Variants in DCAF1 observed in about 807,000 individuals in gnomAD.
The protein encoded by DCAF1 is DDB1- and CUL4-associated factor 1.
In DCAF1, 15 loss-of-function variants were observed where a neutral mutation model predicts 128.0. The ratio of observed to expected loss-of-function variants is 0.12; its 90% CI spans 0.08 to 0.18. The LOEUF (loss-of-function observed/expected upper bound fraction) is 0.18, where lower values mean the gene tolerates loss of function less well. Among genes scored for constraint, DCAF1 ranks in the 10% least tolerant of loss-of-function variants. The pLI is 1.00. For missense variants in DCAF1, 988 were observed against 1,649.5 expected (o/e 0.60, Z 6.95); for synonymous variants, 610 against 603.0 (o/e 1.01, Z -0.17).
intron 24 of DCAF1, among the ~76,000 whole-genome samples, chr3:51,402,019 G>A (rs1553625094): frequency 6.6e-6 from 1 of 151,894 alleles, no homozygotes; most frequent in African/African-American, 2.4e-5. Context: ...TTCATGTACA[G>A]CTGCAGAGCT....
intron 7 of DCAF1, among the ~76,000 whole-genome samples, chr3:51,442,987 G>C (rs543121024): frequency 7.0e-4 from 106 of 152,170 alleles, no homozygotes; most frequent in African/African-American, 2.5e-3. Flanking sequence ...CTTAGGTGAT[G>C]GGTTGATCTG....
chr3:51,497,341 G>A (rs1708336068), intron 1 of DCAF1, among the ~76,000 whole-genome samples: 1 of 152,110 alleles, frequency 6.6e-6, no homozygotes, highest in African/African-American at 2.4e-5. Context: ...TGTAATCCCA[G>A]CACTTTGGGA....
In DCAF1 at chr3:51,427,467, A is replaced by G. The variant is rs782079933; in HGVS notation, c.1752T>C (p.Tyr584=). Residue 584 remains tyrosine (Y), a synonymous_variant, in exon 13 of 25, where the codon TAT becomes TAC. Coordinates refer to ENST00000684031, the MANE Select transcript of DCAF1 (RefSeq NM_001387579.1). ...FLIEYGPAQL[Y]WEPAEVFLKL... Reference sequence around the variant, plus strand: ...TGAGGAAAACTTCAGCTGGTTCCCAATATAGCTGCGCTGGGCCATATTCTA... The same window carrying G: ...TGAGGAAAACTTCAGCTGGTTCCCAGTATAGCTGCGCTGGGCCATATTCTA... 1.4e-5 allele frequency: 11 copies of G among 780,170 alleles called. No homozygotes were observed. The highest frequency in any genetic ancestry group is 1.1e-4 in the South Asian group (8 of 74,462). 48.3% of individuals were successfully genotyped at this position (780,170 alleles called of 1,614,324 possible). A position where few individuals can be genotyped will look rare whatever the true frequency, so the allele number is the denominator to read the frequency against.
intron 2 of DCAF1, 34 bp from the exon 3 acceptor site, chr3:51,483,870 C>A (rs1201562566): frequency 2.1e-6 from 3 of 1,422,468 alleles, no homozygotes; most frequent in South Asian, 1.2e-5. Flanking sequence ...AAAAAGACAA[C>A]CAATAAATGA....
At chr3:51,465,443 G>C (rs1704032475) in intron 5 of DCAF1, among the ~76,000 whole-genome samples, 1 of 152,102 alleles carries the variant, frequency 6.6e-6, no homozygotes, top group East Asian at 1.9e-4. Context: ...ACATAATACA[G>C]ATAATAATAG....
chr3:51,397,411 C>G (rs549995751), downstream of DCAF1: 1 of 167,224 alleles, frequency 6.0e-6, no homozygotes, highest in Admixed American at 6.5e-5. Flanking sequence ...TCCACTGTCA[C>G]AATCCCTTTC....
At position 51,437,287 on chromosome 3, in the gene DCAF1, A is replaced by AAAAG. The variant is rs1377686904; in HGVS notation, c.1128+3679_1128+3682dup. The AAAAG allele has an allele frequency of 1.5e-3, 591 of 388,582 alleles. 15 individuals carry two copies. The highest frequency in any genetic ancestry group is 7.0e-3 in the East Asian group (87 of 12,482). The allele number at this position is 388,582 out of a possible 1,614,324, so 24.1% of individuals were successfully genotyped here. On this transcript the variant is annotated intron_variant, in intron 9 of 24. Coordinates refer to ENST00000684031, the MANE Select transcript of DCAF1 (RefSeq NM_001387579.1). ...ATGTCAAAAAAAAAAAAAAAAAAAA[A>AAAAG]AAAGAAAGAAAGAGCAAGAAGACCC...
chr3:51,409,562 A>G (rs1698213622), intron 23 of DCAF1, among the ~76,000 whole-genome samples: 1 of 152,220 alleles, frequency 6.6e-6, no homozygotes, highest in African/African-American at 2.4e-5. Context: ...ATGCTTCAAC[A>G]TGTAACATCC....
chr3:51,426,485 C>T (rs1448810317), intron 13 of DCAF1, among the ~76,000 whole-genome samples: 2 of 152,198 alleles, frequency 1.3e-5, no homozygotes, highest in Non-Finnish European at 2.9e-5. Context: ...GCTGAAATTA[C>T]AAGCATGAGC....
Position 51,487,930 on chromosome 3 carries a change from T to C in DCAF1, c.-8-4094A>G, listed in dbSNP as rs192228100. The stretch of plus-strand genomic sequence containing the variant: ...CCCAGACTGGAGTGCAGAGGCGTGA[T>C]CTTGACTCACTGCAACCTCCACCTC... On this transcript the variant is annotated intron_variant, in intron 2 of 24. Coordinates refer to ENST00000684031, the MANE Select transcript of DCAF1 (RefSeq NM_001387579.1). 8.5e-5 allele frequency among the ~76,000 whole-genome samples: 13 copies of C among 152,116 alleles called. No homozygotes were observed. The East Asian group carries it at 1.5e-3, about 18-fold the overall frequency.
At chr3:51,428,277 G>A (rs1700073911) in intron 12 of DCAF1, among the ~76,000 whole-genome samples, 2 of 149,774 alleles carry the variant, frequency 1.3e-5, no homozygotes, top group African/African-American at 4.9e-5. Context: ...CCAGACTCGA[G>A]TGACTCTCCC....
intron 3 of DCAF1, 133 bp from the exon 4 acceptor site, chr3:51,471,138 T>A: frequency 2.1e-6 from 1 of 477,978 alleles, no homozygotes; most frequent in Non-Finnish European, 3.7e-6. Context: ...CTGATGTACA[T>A]AGAAATCTAC....
chr3:51,438,096 C>A, intron 9 of DCAF1: 2 of 436,292 alleles, frequency 4.6e-6, no homozygotes, highest in Admixed American at 3.0e-5. Flanking sequence ...TCTGCATGCC[C>A]AAAATTTCCC....
rs1707854073 is a variant in DCAF1 at position 51,493,193 on chromosome 3, C to A, written c.-9+3541G>T. Among the ~76,000 whole-genome samples the A allele has an allele frequency of 5.9e-5, 9 of 151,720 alleles. No homozygotes were observed. In the Admixed American group the frequency reaches 5.9e-4, roughly 10 times the overall value. ...GGGTGTGGTGGCTCACACCTCTAAT[C>A]CCAGCACTTTGGGAGGCCAAGGCGG... is the stretch of plus-strand genomic sequence containing the variant. On this transcript the variant is annotated intron_variant, in intron 2 of 24. Transcript: ENST00000684031.
chr3:51,433,008 GT>G (rs1382414313), intron 10 of DCAF1, 97 bp downstream of exon 10: 2 of 396,666 alleles, frequency 5.0e-6, no homozygotes, highest in Non-Finnish European at 8.9e-6. Flanking sequence ...TTCAACTACT[GT>G]TTTTTTCTTA....
upstream of DCAF1, among the ~76,000 whole-genome samples, chr3:51,504,012 C>T (rs1483247897): frequency 2.0e-5 from 3 of 151,692 alleles, no homozygotes; most frequent in African/African-American, 7.3e-5. Flanking sequence ...GGCCTTGGCT[C>T]CAAGCTCTCA....
chr3:51,482,496 G>A (rs1706329785), intron 3 of DCAF1, among the ~76,000 whole-genome samples: 1 of 149,186 alleles, frequency 6.7e-6, no homozygotes, highest in Non-Finnish European at 1.5e-5. Context: ...CGGGCGCAGT[G>A]GCTCACACCT....
At chr3:51,505,389 G>A in the DCAF1 span, among the ~76,000 whole-genome samples, 3 of 152,288 alleles carry the variant, frequency 2.0e-5, no homozygotes, top group South Asian at 2.1e-4. Context: ...CACACCAACC[G>A]AAGTAAATAC....
Position 51,398,525 on chromosome 3 carries a change from TGGGGGGTGGATGTG to T in DCAF1, c.*230_*243del. 2.3e-6 allele frequency: 1 copy of T among 431,508 alleles called. No individual in the cohort carries two copies. Among genetic ancestry groups the T allele is most frequent in the Non-Finnish European group, 4.1e-6 (1 of 244,764 alleles). 26.7% of individuals were successfully genotyped at this position (431,508 alleles called of 1,614,324 possible). ...AAGATATGTCCATCCTAGGAAATGG[TGGGGGGTGGATGTG>T]GGGGGTGCAGAGTAGGGCCTAGTCC... On this transcript the variant is annotated 3_prime_UTR_variant, in exon 25 of 25. Transcript: ENST00000684031.
Sources: gnomAD v4.1 joint callset for allele counts (sites outside exome capture counted in the v4.1 genomes callset) on GRCh38, gnomAD v4.1.1 for gene constraint, MANE v1.5 for transcripts, NCBI Gene and HGNC (gene_info 2026-07-23, HGNC 2026-07-21) for gene names.